Variants in ZZEF1 observed in about 807,000 individuals in gnomAD.
The protein encoded by ZZEF1 is zinc finger ZZ-type and EF-hand domain-containing protein 1.
A neutral mutation model predicts 342.8 loss-of-function variants in ZZEF1; 157 were observed. The observed-to-expected ratio is 0.46, with a 90% CI of 0.40 to 0.52. The LOEUF (loss-of-function observed/expected upper bound fraction) is 0.52. ZZEF1 is among the 20% of genes least tolerant of loss of function. The probability of loss-of-function intolerance (pLI) is 0.00; values close to 1 mark genes in which losing one functional copy is unlikely to be tolerated. For synonymous variants in ZZEF1, 1,505 were observed against 1,429.1 expected, an observed-to-expected ratio of 1.05 and a Z score of -1.20; for missense variants, 3,480 against 3,725.6, an observed-to-expected ratio of 0.93 and a Z score of 1.72.
chr17:4,073,259 T>G (rs2057545117), intron 24 of ZZEF1, among the ~76,000 whole-genome samples: 1 of 152,248 alleles, frequency 6.6e-6, no homozygotes, highest in Non-Finnish European at 1.5e-5. Context: ...GTGTTAGGAT[T>G]AAGGATGATT....
At chr17:4,088,614 TTC>T in intron 13 of ZZEF1, 62 bp downstream of exon 13, 2 of 1,556,846 alleles carry the variant, frequency 1.3e-6, no homozygotes, top group Non-Finnish European at 1.7e-6. Flanking sequence ...TGGTGTTCAT[TTC>T]TCTGAATACT....
At position 4,016,208 on chromosome 17, in the gene ZZEF1, T is replaced by C; in HGVS notation, c.8145+115A>G. On this transcript the variant is annotated intron_variant, in intron 49 of 54. Coordinates refer to ENST00000381638, the MANE Select transcript of ZZEF1 (RefSeq NM_015113.4). The surrounding 1 kb of genome is among the most constrained non-coding windows in gnomAD (Gnocchi z 4.4). ...AGCACTTTCCTGGACAGGTCTCTGC[T>C]GTCCAGCGGGAGAGAGCCACAGAGG... 7.7e-7 allele frequency: 1 copy of C among 1,295,870 alleles called. No homozygotes were observed. Among genetic ancestry groups the C allele is most frequent in the Middle Eastern group, 2.6e-4 (1 of 3,882 alleles). The allele number at this position is 1,295,870 out of a possible 1,614,324, so 80.3% of individuals were successfully genotyped here. A position where few individuals can be genotyped will look rare whatever the true frequency, so the allele number is the denominator to read the frequency against.
intron 2 of ZZEF1, among the ~76,000 whole-genome samples, chr17:4,118,701 CCT>C (rs552422399): frequency 2.0e-5 from 3 of 152,188 alleles, no homozygotes; most frequent in Admixed American, 6.5e-5. Context: ...AGGTGATGTA[CCT>C]CTTTCTTGGT....
intron 41 of ZZEF1, 56 bp downstream of exon 41, chr17:4,032,772 T>C: frequency 3.2e-6 from 5 of 1,573,834 alleles, no homozygotes; most frequent in Non-Finnish European, 4.4e-6. Flanking sequence ...GGCTTTGGTG[T>C]GTATAGTGAA....
At chr17:4,053,779 T>C (rs900221964) in intron 34 of ZZEF1, among the ~76,000 whole-genome samples, 1 of 152,226 alleles carries the variant, frequency 6.6e-6, no homozygotes, top group Admixed American at 6.5e-5. Context: ...GCAAACACTA[T>C]TTCCTGAAAA....
At chr17:4,038,634 G>A (rs145990564) in intron 39 of ZZEF1, among the ~76,000 whole-genome samples, 55 of 152,050 alleles carry the variant, frequency 3.6e-4, no homozygotes, top group Non-Finnish European at 6.0e-4. Flanking sequence ...GTGAAACCCC[G>A]GCTCTACTCA....
At chr17:4,028,097 G>A (rs867843306) in intron 42 of ZZEF1, among the ~76,000 whole-genome samples, 4 of 152,050 alleles carry the variant, frequency 2.6e-5, no homozygotes, top group Admixed American at 6.6e-5. Flanking sequence ...TACACTGAAC[G>A]CCTTTAACTT....
chr17:4,109,694 C>T lies in ZZEF1; in HGVS notation c.1236G>A (p.Glu412=), dbSNP rs1396946273. The T allele has an allele frequency of 6.2e-7, 1 of 1,614,020 alleles. No individual in the cohort carries two copies. Among genetic ancestry groups the T allele is most frequent in the Non-Finnish European group, 8.5e-7 (1 of 1,180,022 alleles). ...CTGTCTGGACAAAGGCGGGATTTGT[C>T]TCCATAGAAGCCGTCACCAGAGATG... The part of the protein sequence containing the change: ...LLTSLVTASM[E]TNPAFVQTVL... The change falls in exon 6 of 55, where the codon GAG becomes GAA. Residue 412 remains glutamate (E), a synonymous_variant. Coordinates refer to ENST00000381638, the MANE Select transcript of ZZEF1 (RefSeq NM_015113.4).
Position 4,064,372 on chromosome 17 carries a change from G to A in ZZEF1, c.4707C>T (p.Leu1569=). Reference sequence around the variant, plus strand: ...AACAACGGGCTTACCTCCTGTGCGAGAGCGACTGATCCTTAATGAAGTCCA... The same window carrying A: ...AACAACGGGCTTACCTCCTGTGCGAAAGCGACTGATCCTTAATGAAGTCCA... ...DVMDFIKDQS[L]SHRSVVKVLS... The change falls in exon 29 of 55, where the codon CTC becomes CTT. Residue 1569 remains leucine (L), a synonymous_variant. Coordinates refer to ENST00000381638, the MANE Select transcript of ZZEF1 (RefSeq NM_015113.4). The A allele has an allele frequency of 6.3e-7, 1 of 1,587,932 alleles. No individual in the cohort carries two copies. The highest frequency in any genetic ancestry group is 8.6e-7 in the Non-Finnish European group (1 of 1,161,842).
At chr17:4,042,661 G>A in intron 38 of ZZEF1, 93 bp from the exon 39 acceptor site, 1 of 1,280,776 alleles carries the variant, frequency 7.8e-7, no homozygotes, top group South Asian at 1.6e-5. Context: ...TGCTGCTACG[G>A]AATAAAGCTG....
intron 32 of ZZEF1, among the ~76,000 whole-genome samples, chr17:4,057,658 G>A (rs1224681885): frequency 6.6e-6 from 1 of 152,182 alleles, no homozygotes; most frequent in Non-Finnish European, 1.5e-5. Context: ...AAATGCAGAG[G>A]ATTCTCGGCC....
Position 4,006,872 on chromosome 17 carries a change from T to C in ZZEF1, c.*18A>G, listed in dbSNP as rs1433889245. 3.8e-6 allele frequency: 6 copies of C among 1,570,236 alleles called. No homozygotes were observed. The highest frequency in any genetic ancestry group is 5.2e-6 in the Non-Finnish European group (6 of 1,156,096). On this transcript the variant is annotated 3_prime_UTR_variant, in exon 55 of 55. Transcript: ENST00000381638. ...CCCTGTGGCAGATGAACTAGTCCCA[T>C]GCACGCCCCACCAAGGGCTAACACT...
intron 34 of ZZEF1, among the ~76,000 whole-genome samples, chr17:4,053,260 C>A (rs2057088872): frequency 6.6e-6 from 1 of 152,190 alleles, no homozygotes; most frequent in African/African-American, 2.4e-5. Context: ...GTCGGGGGCC[C>A]CACCTGTCTT....
chr17:4,071,064 A>T, intron 25 of ZZEF1, 140 bp from the exon 26 acceptor site: 1 of 969,120 alleles, frequency 1.0e-6, no homozygotes, highest in South Asian at 1.8e-5. Context: ...TAGGAAGACC[A>T]GACAGAGATA....
At chr17:4,099,859 T>G (rs2058097652) in intron 9 of ZZEF1, among the ~76,000 whole-genome samples, 1 of 152,174 alleles carries the variant, frequency 6.6e-6, no homozygotes. Context: ...CTGTGATATT[T>G]TAAATCTATA....
rs1271121290 is a variant in ZZEF1 at position 4,077,631 on chromosome 17, A to T, written c.2989+252T>A. On this transcript the variant is annotated intron_variant, in intron 19 of 54. Coordinates refer to ENST00000381638, the MANE Select transcript of ZZEF1 (RefSeq NM_015113.4). The stretch of plus-strand genomic sequence containing the variant: ...AAGAGTGCTATATGATTGCAAAAGC[A>T]ATATTTAGGCTGTGAAATGATCTAA... 5.9e-5 allele frequency among the ~76,000 whole-genome samples: 9 copies of T among 152,246 alleles called. No homozygotes were observed. In the East Asian group the frequency reaches 1.2e-3, roughly 20 times the overall value.
chr17:4,039,874 G>A (rs1358054897), intron 39 of ZZEF1, among the ~76,000 whole-genome samples: 2 of 151,994 alleles, frequency 1.3e-5, no homozygotes, highest in Non-Finnish European at 2.9e-5. Flanking sequence ...TCGATCTCCT[G>A]ACCTCATGAT....
At position 4,064,803 on chromosome 17, in the gene ZZEF1, G is replaced by A. The variant is rs1479699968; in HGVS notation, c.4276C>T (p.Leu1426=). ...CCCGTGGGCAGAAATTTTAGTAATA[G>A]AAGACTCTTCTCAATGCACTCTTTT... ...LAKECIEKSL[L]LLKFLPTGIS... Residue 1426 remains leucine (L), a synonymous_variant, in exon 29 of 55, where the codon CTA becomes TTA. Coordinates refer to ENST00000381638, the MANE Select transcript of ZZEF1 (RefSeq NM_015113.4). 1 of 1,546,960 alleles carries A rather than the reference G, an allele frequency of 6.5e-7. No individual in the cohort carries two copies. Among genetic ancestry groups the A allele is most frequent in the Non-Finnish European group, 8.8e-7 (1 of 1,142,186 alleles).
At chr17:4,108,524 G>C (rs1489678865) in intron 6 of ZZEF1, among the ~76,000 whole-genome samples, 2 of 152,154 alleles carry the variant, frequency 1.3e-5, no homozygotes, top group Non-Finnish European at 2.9e-5. Flanking sequence ...TTGCTGTAAG[G>C]GGCGTGACTG....
Sources: allele counts gnomAD v4.1 joint callset (sites outside exome capture counted in the v4.1 genomes callset), GRCh38; gene constraint gnomAD v4.1.1; non-coding constraint Gnocchi (gnomAD v3.1); transcripts MANE v1.5; gene names NCBI Gene and HGNC (gene_info 2026-07-23, HGNC 2026-07-21).